RABGAP1: variants seen among roughly 807,000 people sequenced by gnomAD.
RABGAP1 encodes rab GTPase-activating protein 1.
A neutral mutation model predicts 137.6 loss-of-function variants in RABGAP1; 23 were observed. That is an observed-to-expected ratio of 0.17 (90% CI 0.12 to 0.24). RABGAP1 has a LOEUF of 0.24. Ranked by LOEUF, RABGAP1 falls within the 10% of genes least tolerant of loss-of-function variation. The probability of loss-of-function intolerance (pLI) is 1.00; values close to 1 mark genes in which losing one functional copy is unlikely to be tolerated. For synonymous variants in RABGAP1, 451 were observed against 450.7 expected, an observed-to-expected ratio of 1.00 and a Z score of -0.01; for missense variants, 906 against 1,275.8, an observed-to-expected ratio of 0.71 and a Z score of 4.42.
chr9:122,987,636 A>T (rs1475800347), intron 4 of RABGAP1, among the ~76,000 whole-genome samples: 2 of 152,178 alleles, frequency 1.3e-5, no homozygotes, highest in Non-Finnish European at 2.9e-5. Flanking sequence ...AATGGGTTAT[A>T]AATAAATAAC....
chr9:122,978,877 CATTTT>C (rs71388334), intron 2 of RABGAP1, among the ~76,000 whole-genome samples: 112,862 of 150,132 alleles, frequency 0.75, 44,509 homozygotes, highest in Middle Eastern at 0.89. Context: ...TTTAGTCATT[CATTTT>C]ATTTTATTTT....
chr9:123,050,882 C>T (rs2033423772), intron 13 of RABGAP1, among the ~76,000 whole-genome samples: 1 of 152,068 alleles, frequency 6.6e-6, no homozygotes, highest in African/African-American at 2.4e-5. Flanking sequence ...GATGGGGACA[C>T]TGAGTAAAGT....
chr9:123,010,865 C>A (rs887113877), intron 11 of RABGAP1, among the ~76,000 whole-genome samples: 6 of 152,132 alleles, frequency 3.9e-5, no homozygotes, highest in Non-Finnish European at 7.4e-5. Context: ...TCAACACATT[C>A]ATTTTGCAGG....
chr9:122,992,569 C>A (rs1421106963), intron 6 of RABGAP1, among the ~76,000 whole-genome samples: 1 of 151,718 alleles, frequency 6.6e-6, no homozygotes, highest in Admixed American at 6.6e-5. Context: ...TTTGTTAGGA[C>A]TTTGTTCTCC....
At chr9:123,010,607 T>TC in intron 11 of RABGAP1, 79 bp downstream of exon 11, 1 of 1,330,572 alleles carries the variant, frequency 7.5e-7, no homozygotes, top group Non-Finnish European at 1.0e-6. Context: ...AGGGGATTGA[T>TC]AATGTGATAC....
intron 13 of RABGAP1, among the ~76,000 whole-genome samples, chr9:123,023,673 G>GT (rs1457091580): frequency 2.6e-5 from 4 of 151,950 alleles, no homozygotes; most frequent in African/African-American, 7.3e-5. Context: ...ACAAATGTTT[G>GT]TTTTTTTCCA....
At chr9:123,099,718 T>C (rs2035286265) in intron 24 of RABGAP1, among the ~76,000 whole-genome samples, 169 bp downstream of exon 24, 1 of 152,220 alleles carries the variant, frequency 6.6e-6, no homozygotes, top group Non-Finnish European at 1.5e-5. Flanking sequence ...ACGCCTGTTT[T>C]CTCTGGAAGG....
chr9:122,953,198 CTG>C (rs1434707776), intron 1 of RABGAP1, among the ~76,000 whole-genome samples: 2 of 152,074 alleles, frequency 1.3e-5, no homozygotes, highest in Non-Finnish European at 2.9e-5. Flanking sequence ...CAGTTAATAA[CTG>C]TTAAATTTTT....
At chr9:122,982,070 G>A (rs1836096622) in intron 2 of RABGAP1, among the ~76,000 whole-genome samples, 1 of 151,352 alleles carries the variant, frequency 6.6e-6, no homozygotes, top group African/African-American at 2.4e-5. Flanking sequence ...AAAAAAGTAT[G>A]TGTACTATAC....
chr9:123,090,955 T>C (rs192357690), intron 21 of RABGAP1, among the ~76,000 whole-genome samples: 6 of 152,228 alleles, frequency 3.9e-5, no homozygotes, highest in African/African-American at 1.4e-4. Flanking sequence ...AATGGTATAA[T>C]CTCTCGATCA....
chr9:122,947,216 TAAATG>T (rs902748616), intron 1 of RABGAP1, among the ~76,000 whole-genome samples: 12 of 152,238 alleles, frequency 7.9e-5, no homozygotes, highest in African/African-American at 2.9e-4. Flanking sequence ...AGACTTATAC[TAAATG>T]AAATAAACCA....
At chr9:123,004,408 C>T (rs1231622386) in intron 10 of RABGAP1, among the ~76,000 whole-genome samples, 1 of 152,094 alleles carries the variant, frequency 6.6e-6, no homozygotes, top group South Asian at 2.1e-4. Context: ...CTACATCAGC[C>T]TCCCAAGTAG....
At chr9:122,995,112 C>T (rs949006419) in intron 6 of RABGAP1, among the ~76,000 whole-genome samples, 10 of 151,894 alleles carry the variant, frequency 6.6e-5, no homozygotes, top group Non-Finnish European at 1.5e-4. Flanking sequence ...GATCAAGATC[C>T]TGCCTCAAAA....
chr9:122,971,442 A>G (rs2131685396), intron 2 of RABGAP1, among the ~76,000 whole-genome samples: 1 of 152,328 alleles, frequency 6.6e-6, no homozygotes, highest in Middle Eastern at 3.4e-3. Flanking sequence ...AAAATTTACA[A>G]ATATATACAA....
At chr9:122,967,495 C>T (rs1335045441) in intron 2 of RABGAP1, among the ~76,000 whole-genome samples, 11 of 152,076 alleles carry the variant, frequency 7.2e-5, no homozygotes, top group South Asian at 4.1e-4. Flanking sequence ...GTCTCCTGTG[C>T]GTAAGTAGAA....
chr9:122,967,979 C>T lies in RABGAP1; in HGVS notation c.150+10770C>T, dbSNP rs189290056. Reference sequence around the variant, plus strand: ...CTGACCTCAGGTGATCTACCCGCCTCGGCTTCCCAAAGTGCTGGCATTACA... The same window carrying T: ...CTGACCTCAGGTGATCTACCCGCCTTGGCTTCCCAAAGTGCTGGCATTACA... On this transcript the variant is annotated intron_variant, in intron 2 of 25. Transcript: ENST00000373647. Among the ~76,000 whole-genome samples the T allele has an allele frequency of 2.0e-4, 30 of 152,150 alleles. No homozygotes were observed. The East Asian group carries it at 2.3e-3, about 12-fold the overall frequency.
At position 122,996,500 on chromosome 9, in the gene RABGAP1, ATCTTTTTTCTTAAATTTATGTCAGT is replaced by A. The variant is rs1242038314; in HGVS notation, c.1035-30_1035-6del. ...CCTAATTTAAACGTTCTTTTGTGTT[ATCTTTTTTCTTAAATTTATGTCAGT>A]TCTTTTTTTGTAGGTGTTTTGGTCT... On this transcript the variant is annotated splice_polypyrimidine_tract_variant and intron_variant, in intron 7 of 25. Coordinates refer to ENST00000373647, the MANE Select transcript of RABGAP1 (RefSeq NM_012197.4). 1.3e-6 allele frequency: 2 copies of A among 1,547,446 alleles called. No homozygotes were observed. The highest frequency in any genetic ancestry group is 2.4e-5 in the South Asian group (2 of 83,700).
chr9:122,997,021 T>C (rs771526181), intron 8 of RABGAP1: 2 of 592,228 alleles, frequency 3.4e-6, no homozygotes, highest in South Asian at 3.4e-5. Context: ...TGGATTTAGG[T>C]TGTGGATTTT....
At chr9:123,048,707 C>T (rs1160337795) in intron 13 of RABGAP1, among the ~76,000 whole-genome samples, 1 of 152,184 alleles carries the variant, frequency 6.6e-6, no homozygotes, top group Non-Finnish European at 1.5e-5. Context: ...CCATAAATTA[C>T]CTTCCCCCTT....
Sources: allele counts gnomAD v4.1 joint callset (sites outside exome capture counted in the v4.1 genomes callset), GRCh38; gene constraint gnomAD v4.1.1; transcripts MANE v1.5; gene names NCBI Gene and HGNC (gene_info 2026-07-23, HGNC 2026-07-21).